The following FHAD1 variants were observed in gnomAD, a reference collection of about 807,000 sequenced individuals.
FHAD1 encodes the protein forkhead-associated domain-containing protein 1.
FHAD1 carries 146 observed loss-of-function variants against 191.3 expected under a neutral mutation model. That is an observed-to-expected ratio of 0.76 (90% CI 0.67 to 0.88). The LOEUF (loss-of-function observed/expected upper bound fraction) is 0.88. FHAD1 is among the 40% of genes least tolerant of loss of function. The pLI is 0.00. For synonymous variants in FHAD1, 616 were observed against 672.3 expected, an observed-to-expected ratio of 0.92 and a Z score of 1.29; for missense variants, 1,635 against 1,785.8, an observed-to-expected ratio of 0.92 and a Z score of 1.52.
At chr1:15,264,526 G>A (rs1652561303) in intron 2 of FHAD1, among the ~76,000 whole-genome samples, 1 of 150,000 alleles carries the variant, frequency 6.7e-6, no homozygotes, top group Admixed American at 6.7e-5. Context: ...CATTTATTAT[G>A]AATTCAGTGT....
In FHAD1 at chr1:15,301,201, C is replaced by T. The variant is rs1354203199; in HGVS notation, c.679-4C>T. On this transcript the variant is annotated splice_region_variant and splice_polypyrimidine_tract_variant and intron_variant, in intron 5 of 33. Transcript: ENST00000688493. ...AGTAAGCCTCCCATCTGATCTCTAC[C>T]CAGGATGAAATAATTCTGCTGCTGG... The T allele has an allele frequency of 4.5e-6, 7 of 1,551,228 alleles. No individual in the cohort carries two copies. The East Asian group carries it at 7.3e-5, about 16-fold the overall frequency.
chr1:15,246,009 A>C (rs1346857928), upstream of FHAD1, among the ~76,000 whole-genome samples: 1 of 152,240 alleles, frequency 6.6e-6, no homozygotes, highest in Non-Finnish European at 1.5e-5. Flanking sequence ...CTTGAGACTG[A>C]ATAATTTACA....
intron 19 of FHAD1, 45 bp downstream of exon 19, chr1:15,349,194 G>C (rs1689963576): frequency 7.1e-7 from 1 of 1,401,332 alleles, no homozygotes; most frequent in South Asian, 1.2e-5. Flanking sequence ...GAACTACAAA[G>C]CCAGATCCCT....
downstream of FHAD1, among the ~76,000 whole-genome samples, chr1:15,401,848 G>T (rs1375857967): frequency 6.6e-6 from 1 of 152,156 alleles, no homozygotes; most frequent in Non-Finnish European, 1.5e-5. Flanking sequence ...TTTCCGTCAG[G>T]TGCACTGCTT....
rs1307870059 is a variant in FHAD1, at chr1:15,381,463, C to T, written c.4022+12C>T. ...GTTGAACAGCTCAGGTACCTCGGCACCCCCATGTCCCCACAGAAAGGCCCG... is the reference window on the plus strand; with the variant it reads ...GTTGAACAGCTCAGGTACCTCGGCATCCCCATGTCCCCACAGAAAGGCCCG... On this transcript the variant is annotated intron_variant, in intron 30 of 33. Coordinates refer to ENST00000688493, the MANE Select transcript of FHAD1 (RefSeq NM_001391957.1). This position sits in a 1 kb window ranked among gnomAD's most constrained non-coding sequence, Gnocchi z 4.6. 1.3e-6 allele frequency: 2 copies of T among 1,543,240 alleles called. No homozygotes were observed. The highest frequency in any genetic ancestry group is 2.4e-5 in the East Asian group (1 of 40,848).
downstream of FHAD1, among the ~76,000 whole-genome samples, chr1:15,402,707 C>A: frequency 6.6e-6 from 1 of 152,138 alleles, no homozygotes; most frequent in African/African-American, 2.4e-5. Flanking sequence ...AATGATGAGC[C>A]CAGACTAGGT....
Position 15,371,697 on chromosome 1 carries a change from C to T in FHAD1, c.3447+2195C>T, listed in dbSNP as rs554471134. On this transcript the variant is annotated intron_variant, in intron 26 of 33. Coordinates refer to ENST00000688493, the MANE Select transcript of FHAD1 (RefSeq NM_001391957.1). ...GGAGAACGTTCCAGGTTGTTTACTG[C>T]CGGGGCAAACACGCATCCTCAAGAG... Among the ~76,000 whole-genome samples, 8 of 152,320 alleles carry T rather than the reference C, an allele frequency of 5.3e-5. No individual in the cohort carries two copies. In the South Asian group the frequency reaches 1.5e-3, roughly 28 times the overall value.
chr1:15,267,943 TA>T (rs1263289302), intron 2 of FHAD1, among the ~76,000 whole-genome samples: 2 of 89,104 alleles, frequency 2.2e-5, no homozygotes, highest in African/African-American at 8.7e-5. Context: ...TAAATAGGAA[TA>T]TAAAAAATAT....
At chr1:15,323,287 C>T (rs1323835180) in intron 10 of FHAD1, among the ~76,000 whole-genome samples, 4 of 152,160 alleles carry the variant, frequency 2.6e-5, no homozygotes, top group African/African-American at 9.7e-5. Flanking sequence ...AGAGCTGGGG[C>T]TGGGGGCGGG....
chr1:15,268,956 C>T (rs1426300869), intron 2 of FHAD1, among the ~76,000 whole-genome samples: 1 of 151,988 alleles, frequency 6.6e-6, no homozygotes. Flanking sequence ...TGCCTGTTCA[C>T]TCTATATTTA....
intron 14 of FHAD1, among the ~76,000 whole-genome samples, chr1:15,337,185 T>C (rs1459258376): frequency 6.6e-6 from 1 of 152,178 alleles, no homozygotes; most frequent in Non-Finnish European, 1.5e-5. Context: ...TGGGCTGGGC[T>C]GGGCCGGCAT....
chr1:15,393,524 G>A (rs1557469748), intron 33 of FHAD1, among the ~76,000 whole-genome samples: 1 of 152,036 alleles, frequency 6.6e-6, no homozygotes, highest in Non-Finnish European at 1.5e-5. Context: ...GAGGTTGATA[G>A]TGAAAGAAAG....
chr1:15,305,689 C>G (rs376091290), intron 6 of FHAD1: 2 of 413,228 alleles, frequency 4.8e-6, no homozygotes, highest in Non-Finnish European at 9.6e-6. Flanking sequence ...GTGAATAAGT[C>G]TCATGAGATC....
chr1:15,252,995 AC>A (rs1646970416), intron 2 of FHAD1, among the ~76,000 whole-genome samples: 1 of 152,198 alleles, frequency 6.6e-6, no homozygotes, highest in African/African-American at 2.4e-5. Flanking sequence ...CACTCAATAG[AC>A]TTTTTTAACC....
intron 24 of FHAD1, 94 bp downstream of exon 24, chr1:15,366,027 C>T (rs1696328859): frequency 3.6e-6 from 3 of 831,494 alleles, no homozygotes; most frequent in Middle Eastern, 2.3e-4. Context: ...GTGGCGCACG[C>T]CTATAATCCC....
intron 19 of FHAD1, among the ~76,000 whole-genome samples, chr1:15,352,522 C>A (rs1195136201): frequency 6.6e-6 from 1 of 152,238 alleles, no homozygotes; most frequent in African/African-American, 2.4e-5. Context: ...GGGCCAAGTA[C>A]TTCCAACAAA....
intron 26 of FHAD1, among the ~76,000 whole-genome samples, chr1:15,373,461 A>G (rs1698690974): frequency 6.6e-6 from 1 of 151,980 alleles, no homozygotes; most frequent in African/African-American, 2.4e-5. Context: ...GCAGTGAGCC[A>G]AGATCACGCC....
intron 2 of FHAD1, 33 bp downstream of exon 2, chr1:15,251,910 C>G (rs1646820491): frequency 1.3e-6 from 2 of 1,514,814 alleles, no homozygotes; most frequent in Non-Finnish European, 1.8e-6. Flanking sequence ...CCCGTCCCCT[C>G]CCTGACCCCT....
At position 15,327,086 on chromosome 1, in the gene FHAD1, A is replaced by G; in HGVS notation, c.1501A>G (p.Lys501Glu). Residue 501 changes from lysine (K) to glutamate (E), a missense_variant, in exon 12 of 34, where the codon AAG becomes GAG. By Grantham distance (56) the Lys-to-Glu change is moderately conservative (BLOSUM62 1). Coordinates refer to ENST00000688493, the MANE Select transcript of FHAD1 (RefSeq NM_001391957.1). The surrounding 1 kb of genome is among the most constrained non-coding windows in gnomAD (Gnocchi z 5.1). ...QLEHFRSQVI[K>E]ATYGRAKPFR... ...GGAGCACTTCAGAAGTCAAGTCATC[A>G]AGGCCACCTATGGACGGGCGAAGCC... 1 of 1,551,020 alleles carries G rather than the reference A, an allele frequency of 6.4e-7. No homozygotes were observed. The highest frequency in any genetic ancestry group is 8.7e-7 in the Non-Finnish European group (1 of 1,146,772).
Sources: gnomAD v4.1 joint callset for allele counts (sites outside exome capture counted in the v4.1 genomes callset) on GRCh38, gnomAD v4.1.1 for gene constraint, Gnocchi (gnomAD v3.1) non-coding constraint, MANE v1.5 for transcripts, NCBI Gene and HGNC (gene_info 2026-07-23, HGNC 2026-07-21) for gene names.